The following MYPN variants were observed in gnomAD, a reference collection of about 807,000 sequenced individuals.
MYPN encodes myopalladin.
A neutral mutation model predicts 129.4 loss-of-function variants in MYPN; 63 were observed. The observed-to-expected ratio is 0.49, with a 90% confidence interval of 0.40 to 0.60. The LOEUF (loss-of-function observed/expected upper bound fraction) is 0.60, where lower values mean the gene tolerates loss of function less well. Among genes scored for constraint, MYPN ranks in the 20% least tolerant of loss-of-function variants. MYPN has a pLI of 0.00. For missense variants in MYPN, 1,596 were observed against 1,635.4 expected (o/e 0.98, Z 0.42); for synonymous variants, 629 against 600.9 (o/e 1.05, Z -0.68).
rs1027142985 is a variant in MYPN at position 68,088,920 on chromosome 10, C to T, written c.-2+928C>T. ...AACTCCTCTTTTCCTCCAACATCCT[C>T]CCACTCACAGCCCCAGGAAACCATT... On this transcript the variant is annotated intron_variant, in intron 1 of 6. Transcript: ENST00000685154. Among the ~76,000 whole-genome samples the T allele has an allele frequency of 2.6e-5, 4 of 152,298 alleles. No homozygotes were observed. In the East Asian group the frequency reaches 7.7e-4, roughly 29 times the overall value.
intron 2 of MYPN, 111 bp downstream of exon 2, chr10:68,122,451 GAA>G (rs1198766920): frequency 4.4e-6 from 5 of 1,137,568 alleles, no homozygotes; most frequent in Non-Finnish European, 5.2e-6. Context: ...CTCCCTTTGA[GAA>G]AAGTAGTCGG....
chr10:68,182,630 CTGAG>C (rs1220691504), intron 12 of MYPN, among the ~76,000 whole-genome samples: 1 of 151,580 alleles, frequency 6.6e-6, no homozygotes, highest in African/African-American at 2.4e-5. Context: ...CCTCAGCCTC[CTGAG>C]TATCTGGGAC....
intron 2 of MYPN, among the ~76,000 whole-genome samples, chr10:68,137,327 A>G (rs1312287449): frequency 1.3e-5 from 2 of 152,224 alleles, no homozygotes; most frequent in Non-Finnish European, 1.5e-5. Flanking sequence ...ATCCAACCTT[A>G]CACAGTTATG....
At chr10:68,163,310 C>T (rs2043006035) in intron 8 of MYPN, among the ~76,000 whole-genome samples, 1 of 151,370 alleles carries the variant, frequency 6.6e-6, no homozygotes, top group Non-Finnish European at 1.5e-5. Flanking sequence ...AAATAGAAGC[C>T]TTATGATTCT....
At chr10:68,111,654 A>T (rs60109489) in intron 1 of MYPN, among the ~76,000 whole-genome samples, 7,721 of 152,292 alleles carry the variant, frequency 0.051, 538 homozygotes, top group East Asian at 0.2. Context: ...ATTTCAGCAG[A>T]TATATTTTTG....
rs149436302 is a variant in MYPN at position 68,143,206 on chromosome 10, C to T, written c.1078+91C>T. 342 of 1,271,608 alleles carry T rather than the reference C, an allele frequency of 2.7e-4. 2 individuals are homozygous for T. The African/African-American group carries it at 4.0e-3, about 15-fold the overall frequency. 78.8% of individuals were successfully genotyped at this position (1,271,608 alleles called of 1,614,324 possible). A position where few individuals can be genotyped will look rare whatever the true frequency, so the allele number is the denominator to read the frequency against. Reference sequence around the variant, plus strand: ...TTTATTGAGGGCCTCCTCTACCATGCGCTCTTCTAGGCAATGAGGATACAG... The same window carrying T: ...TTTATTGAGGGCCTCCTCTACCATGTGCTCTTCTAGGCAATGAGGATACAG... On this transcript the variant is annotated intron_variant, in intron 3 of 19. Coordinates refer to ENST00000358913, the MANE Select transcript of MYPN (RefSeq NM_032578.4).
rs2042248539 is a variant in MYPN at position 68,121,879 on chromosome 10, A to G, written c.441A>G (p.Lys147=). ...AGTATTGTTCTGAAACCCAGTCCAAAAAAGTATTTTTAAATAAGGCTGCCG... is the reference window on the plus strand; with the variant it reads ...AGTATTGTTCTGAAACCCAGTCCAAGAAAGTATTTTTAAATAAGGCTGCCG... ...RPQYCSETQS[K]KVFLNKAADF... Residue 147 remains lysine (K), a synonymous_variant, in exon 2 of 20, where the codon AAA becomes AAG. Coordinates refer to ENST00000358913, the MANE Select transcript of MYPN (RefSeq NM_032578.4). 6.2e-7 allele frequency: 1 copy of G among 1,614,096 alleles called. No individual in the cohort carries two copies. The highest frequency in any genetic ancestry group is 1.3e-5 in the African/African-American group (1 of 74,934).
chr10:68,092,490 C>A (rs531298928), intron 1 of MYPN, among the ~76,000 whole-genome samples: 3 of 147,516 alleles, frequency 2.0e-5, no homozygotes, highest in Non-Finnish European at 3.0e-5. Context: ...AGTGAGACTT[C>A]GTCTCAAAAA....
chr10:68,135,419 GACA>G lies in MYPN; in HGVS notation c.903-7517_903-7515del, dbSNP rs57303008. ...CACAAAATTCAACATAACTTTATTA[GACA>G]ACATTTATTATTATCTTATTGTCCG... On this transcript the variant is annotated intron_variant, in intron 2 of 19. Coordinates refer to ENST00000358913, the MANE Select transcript of MYPN (RefSeq NM_032578.4). The G allele has an allele frequency of 6.8e-3, 6,199 of 905,864 alleles. 442 individuals are homozygous for G. In the East Asian group the frequency reaches 0.21, roughly 31 times the overall value. The allele number at this position is 905,864 out of a possible 1,614,324, so 56.1% of individuals were successfully genotyped here.
chr10:68,211,595 C>T lies in MYPN; in HGVS notation c.*1140C>T, dbSNP rs750357456. On this transcript the variant is annotated 3_prime_UTR_variant, in exon 20 of 20. Transcript: ENST00000358913. ...CTTTATTCTAATCACCAATTCAAAC[C>T]CTGCCTCTTAAGGAATTTTTAGACT... 8 of 453,906 alleles carry T rather than the reference C, an allele frequency of 1.8e-5. No homozygotes were observed. 28.1% of individuals were successfully genotyped at this position (453,906 alleles called of 1,614,324 possible). A position where few individuals can be genotyped will look rare whatever the true frequency, so the allele number is the denominator to read the frequency against.
chr10:68,203,720 C>CAGAGAGAGAGAGAGAGAGAG lies in MYPN; in HGVS notation c.3659+1734_3659+1753dup, dbSNP rs371058853. 2.9e-3 allele frequency among the ~76,000 whole-genome samples: 334 copies of CAGAGAGAGAGAGAGAGAGAG among 115,726 alleles called. 1 individual carries two copies. The highest frequency in any genetic ancestry group is 7.2e-3 in the South Asian group (24 of 3,344). The allele number at this position is 115,726 out of a possible 152,430, so 75.9% of individuals were successfully genotyped here. ...ACACACACACACACACATACACACA[C>CAGAGAGAGAGAGAGAGAGAG]AGAGAGAGAGAGAGAGAGAGAGAGA... is the stretch of plus-strand genomic sequence containing the variant. On this transcript the variant is annotated intron_variant, in intron 18 of 19. Transcript: ENST00000358913.
At chr10:68,119,930 G>A (rs1196217652) in intron 1 of MYPN, among the ~76,000 whole-genome samples, 1 of 151,972 alleles carries the variant, frequency 6.6e-6, no homozygotes, top group Admixed American at 6.5e-5. Flanking sequence ...TTGGGAACTG[G>A]GACAGTTCCT....
chr10:68,206,623 T>G (rs2043819788), intron 18 of MYPN, 147 bp from the exon 19 acceptor site: 29 of 1,085,606 alleles, frequency 2.7e-5, no homozygotes, highest in Non-Finnish European at 4.0e-5. Flanking sequence ...TTAAGCTCAC[T>G]GCTGCTCTTC....
intron 1 of MYPN, among the ~76,000 whole-genome samples, chr10:68,121,105 C>T (rs916285667): frequency 7.2e-5 from 11 of 152,096 alleles, no homozygotes; most frequent in African/African-American, 2.7e-4. Flanking sequence ...AGGCAAAAAC[C>T]TTGTCTTGCA....
At chr10:68,143,785 C>T (rs2042615004) in intron 3 of MYPN, among the ~76,000 whole-genome samples, 1 of 152,094 alleles carries the variant, frequency 6.6e-6, no homozygotes, top group Non-Finnish European at 1.5e-5. Flanking sequence ...GACGGAGTCT[C>T]ACTCTATTGC....
intron 2 of MYPN, among the ~76,000 whole-genome samples, chr10:68,140,835 G>A (rs114712275): frequency 0.015 from 2,254 of 152,290 alleles, 47 homozygotes; most frequent in African/African-American, 0.052. Flanking sequence ...CACTTTGGAA[G>A]GCCAAGGCGG....
chr10:68,152,774 T>G (rs572153928), intron 6 of MYPN, among the ~76,000 whole-genome samples: 1 of 152,082 alleles, frequency 6.6e-6, no homozygotes, highest in East Asian at 1.9e-4. Flanking sequence ...GTAGCTGGAA[T>G]AGCAGGCGTC....
At chr10:68,203,676 C>G (rs2043756706) in intron 18 of MYPN, among the ~76,000 whole-genome samples, 1 of 149,110 alleles carries the variant, frequency 6.7e-6, no homozygotes, top group African/African-American at 2.5e-5. Flanking sequence ...CTGAATGGTC[C>G]TAAAACGCGC....
upstream of MYPN, chr10:68,106,138 A>G (rs1297640304): frequency 4.4e-6 from 2 of 454,024 alleles, no homozygotes; most frequent in South Asian, 3.1e-5. Context: ...TGGACTTTAG[A>G]TGATCCTGGT....
Sources: gnomAD v4.1 joint callset for allele counts (sites outside exome capture counted in the v4.1 genomes callset) on GRCh38, gnomAD v4.1.1 for gene constraint, MANE v1.5 for transcripts, NCBI Gene and HGNC (gene_info 2026-07-23, HGNC 2026-07-21) for gene names.